Variants in CNTNAP5 observed in about 807,000 individuals in gnomAD.
CNTNAP5 encodes the protein contactin-associated protein-like 5.
In CNTNAP5, 72 loss-of-function variants were observed where a neutral mutation model predicts 150.2. The observed-to-expected ratio is 0.48, with a 90% CI of 0.40 to 0.58. The LOEUF (loss-of-function observed/expected upper bound fraction) is 0.58. CNTNAP5 is among the 20% of genes least tolerant of loss of function. CNTNAP5 has a pLI of 0.00. For missense variants in CNTNAP5, 1,636 were observed against 1,626.2 expected, an observed-to-expected ratio of 1.01 and a Z score of -0.10; for synonymous variants, 672 against 619.8, an observed-to-expected ratio of 1.08 and a Z score of -1.25.
chr2:124,442,324 A>G (rs1488179036), intron 5 of CNTNAP5, among the ~76,000 whole-genome samples: 1 of 152,174 alleles, frequency 6.6e-6, no homozygotes, highest in Non-Finnish European at 1.5e-5. Context: ...ACCTACTACT[A>G]GAAGCTTTAG....
At chr2:124,122,759 G>GACACAC (rs66540981) in intron 1 of CNTNAP5, among the ~76,000 whole-genome samples, 11,520 of 127,630 alleles carry the variant, frequency 0.09, 495 homozygotes, top group South Asian at 0.17. Flanking sequence ...GGTGGTAAAA[G>GACACAC]ACACACACAC....
At chr2:124,800,125 G>A (rs1681936163) in intron 19 of CNTNAP5, among the ~76,000 whole-genome samples, 1 of 152,136 alleles carries the variant, frequency 6.6e-6, no homozygotes, top group African/African-American at 2.4e-5. Flanking sequence ...TGGCACAGTG[G>A]GGACCAGAAT....
At chr2:124,429,533 T>C (rs1261737396) in intron 4 of CNTNAP5, among the ~76,000 whole-genome samples, 1 of 152,218 alleles carries the variant, frequency 6.6e-6, no homozygotes, top group African/African-American at 2.4e-5. Context: ...CTTTTCTCTC[T>C]CTGGGAAATG....
At chr2:124,372,792 T>C (rs545323096) in intron 3 of CNTNAP5, among the ~76,000 whole-genome samples, 1 of 152,248 alleles carries the variant, frequency 6.6e-6, no homozygotes, top group Non-Finnish European at 1.5e-5. Context: ...TTGTGCTAAC[T>C]GGTACATGTA....
At chr2:124,598,740 A>G (rs1696897695) in intron 11 of CNTNAP5, among the ~76,000 whole-genome samples, 1 of 152,036 alleles carries the variant, frequency 6.6e-6, no homozygotes, top group African/African-American at 2.4e-5. Context: ...CCCCTCCCCC[A>G]GCCTCGCTGC....
At chr2:124,384,283 A>G (rs967980865) in intron 3 of CNTNAP5, among the ~76,000 whole-genome samples, 3 of 152,172 alleles carry the variant, frequency 2.0e-5, no homozygotes, top group Non-Finnish European at 4.4e-5. Context: ...GTCACATTGC[A>G]CAACATTTTT....
At chr2:124,686,819 C>T (rs902510043) in intron 13 of CNTNAP5, among the ~76,000 whole-genome samples, 10 of 152,058 alleles carry the variant, frequency 6.6e-5, no homozygotes, top group African/African-American at 2.2e-4. Flanking sequence ...ATTATAAGCA[C>T]CAGAAGTTGT....
intron 21 of CNTNAP5, among the ~76,000 whole-genome samples, chr2:124,887,081 T>C (rs907587862): frequency 6.6e-6 from 1 of 152,086 alleles, no homozygotes; most frequent in Non-Finnish European, 1.5e-5. Context: ...CTCTGAAGTA[T>C]GGTTGTTAAG....
At chr2:124,458,745 TA>T (rs1240062325) in intron 6 of CNTNAP5, among the ~76,000 whole-genome samples, 1 of 152,120 alleles carries the variant, frequency 6.6e-6, no homozygotes, top group African/African-American at 2.4e-5. Flanking sequence ...TACAATTTTT[TA>T]AAAAAACAGG....
At chr2:124,422,585 G>T in intron 4 of CNTNAP5, among the ~76,000 whole-genome samples, 1 of 152,170 alleles carries the variant, frequency 6.6e-6, no homozygotes, top group East Asian at 1.9e-4. Context: ...CCAAATGTTG[G>T]AATCTGAAAT....
intron 14 of CNTNAP5, among the ~76,000 whole-genome samples, chr2:124,758,335 G>A (rs755320010): frequency 3.3e-5 from 5 of 152,150 alleles, no homozygotes; most frequent in Non-Finnish European, 7.4e-5. Flanking sequence ...CTGAGAAAAT[G>A]ACTAGTGAAG....
chr2:124,872,529 G>A (rs994921899), intron 21 of CNTNAP5, among the ~76,000 whole-genome samples: 1 of 151,368 alleles, frequency 6.6e-6, no homozygotes, highest in Non-Finnish European at 1.5e-5. Flanking sequence ...CTTCTGCCAG[G>A]TGCCAGGAGG....
Position 124,226,007 on chromosome 2 carries a change from T to C in CNTNAP5, c.187+4198T>C, listed in dbSNP as rs532955698. The stretch of plus-strand genomic sequence containing the variant: ...TATAAATGCCACAATTTTTTATCCC[T>C]TTATTGATCAAGAAACACTTAGGTC... On this transcript the variant is annotated intron_variant, in intron 2 of 23. Coordinates refer to ENST00000682447, the MANE Select transcript of CNTNAP5 (RefSeq NM_001367498.1). Among the ~76,000 whole-genome samples the C allele has an allele frequency of 2.6e-5, 4 of 152,268 alleles. No individual in the cohort carries two copies. The East Asian group carries it at 7.7e-4, about 29-fold the overall frequency.
At chr2:124,048,907 T>C (rs1681615062) in intron 1 of CNTNAP5, among the ~76,000 whole-genome samples, 1 of 152,248 alleles carries the variant, frequency 6.6e-6, no homozygotes, top group South Asian at 2.1e-4. Flanking sequence ...TTTATTTTTA[T>C]GAGTGTTATG....
intron 21 of CNTNAP5, among the ~76,000 whole-genome samples, chr2:124,891,738 A>T (rs1678199533): frequency 6.6e-6 from 1 of 152,086 alleles, no homozygotes; most frequent in Non-Finnish European, 1.5e-5. Flanking sequence ...AGCATTCAAT[A>T]TTCACTATCT....
chr2:124,249,766 T>G (rs1687127306), intron 3 of CNTNAP5, among the ~76,000 whole-genome samples: 1 of 152,146 alleles, frequency 6.6e-6, no homozygotes, highest in Non-Finnish European at 1.5e-5. Flanking sequence ...AGAATCAACC[T>G]GTTAAAATCT....
At chr2:124,124,225 A>C (rs1444686535) in intron 1 of CNTNAP5, among the ~76,000 whole-genome samples, 2 of 152,194 alleles carry the variant, frequency 1.3e-5, no homozygotes, top group Admixed American at 1.3e-4. Flanking sequence ...AAATGACCTG[A>C]TGGAGCTGAA....
intron 19 of CNTNAP5, among the ~76,000 whole-genome samples, chr2:124,830,144 G>T (rs535565907): frequency 6.6e-6 from 1 of 151,754 alleles, no homozygotes; most frequent in East Asian, 1.9e-4. Flanking sequence ...TACCTAATAA[G>T]TCTAATATTT....
At chr2:124,824,938 G>T (rs1682561825) in intron 19 of CNTNAP5, among the ~76,000 whole-genome samples, 1 of 152,152 alleles carries the variant, frequency 6.6e-6, no homozygotes, top group African/African-American at 2.4e-5. Flanking sequence ...ACAAAGATTA[G>T]TTGACATTCA....
Sources: gnomAD v4.1 joint callset for allele counts (sites outside exome capture counted in the v4.1 genomes callset) on GRCh38, gnomAD v4.1.1 for gene constraint, MANE v1.5 for transcripts, NCBI Gene and HGNC (gene_info 2026-07-23, HGNC 2026-07-21) for gene names.